SIPA1L3: variants seen among roughly 807,000 people sequenced by gnomAD.
SIPA1L3 encodes signal-induced proliferation-associated 1-like protein 3.
In SIPA1L3, 59 loss-of-function variants were observed where a neutral mutation model predicts 150.1. The observed-to-expected ratio is 0.39, with a 90% confidence interval of 0.32 to 0.49. The LOEUF (loss-of-function observed/expected upper bound fraction) is 0.49. SIPA1L3 is among the 20% of genes least tolerant of loss of function. The pLI is 0.86. For missense variants in SIPA1L3, 2,211 were observed against 2,489.5 expected (o/e 0.89, Z 2.38); for synonymous variants, 1,070 against 1,077.6 (o/e 0.99, Z 0.14).
At position 38,206,484 on chromosome 19, in the gene SIPA1L3, G is replaced by A. The variant is rs1000351337; in HGVS notation, c.*244G>A. The A allele has an allele frequency of 4.2e-6, 2 of 478,196 alleles. No homozygotes were observed. The highest frequency in any genetic ancestry group is 3.7e-6 in the Non-Finnish European group (1 of 271,768). 29.6% of individuals were successfully genotyped at this position (478,196 alleles called of 1,614,324 possible). A position where few individuals can be genotyped will look rare whatever the true frequency, so the allele number is the denominator to read the frequency against. ...TCCAAGCTGCCCAGCTGTGGTCCCGGTGAGCTGGGCTGTGCTTACACCGCT... is the reference window on the plus strand; with the variant it reads ...TCCAAGCTGCCCAGCTGTGGTCCCGATGAGCTGGGCTGTGCTTACACCGCT... On this transcript the variant is annotated 3_prime_UTR_variant, in exon 22 of 22. Transcript: ENST00000222345.
At position 38,141,333 on chromosome 19, in the gene SIPA1L3, G is replaced by C. The variant is rs773394903; in HGVS notation, c.3293G>C (p.Trp1098Ser). 6.2e-7 allele frequency: 1 copy of C among 1,613,814 alleles called. No homozygotes were observed. ...ASHNSLPASK[W>S]ATPTTPGHAQ... ...CATAACTCTCTACCAGCCTCCAAGT[G>C]GGCCACTCCAACCACTCCCGGCCAT... Residue 1098 changes from tryptophan (W) to serine (S), a missense_variant, in exon 11 of 22, where the codon TGG becomes TCG. Trp to Ser is a radical substitution (Grantham distance 177). Around this residue, in one of 5 missense-constraint regions of SIPA1L3, gnomAD observed 806 missense variants for 870.1 expected, o/e 0.93. Coordinates refer to ENST00000222345, the MANE Select transcript of SIPA1L3 (RefSeq NM_015073.3).
chr19:37,958,148 A>C (rs1328897600), intron 1 of SIPA1L3, among the ~76,000 whole-genome samples: 1 of 152,202 alleles, frequency 6.6e-6, no homozygotes, highest in African/African-American at 2.4e-5. Flanking sequence ...AAATACTACA[A>C]ATAGGCTGGG....
At chr19:38,161,482 T>A (rs1972086931) in intron 13 of SIPA1L3, among the ~76,000 whole-genome samples, 1 of 151,930 alleles carries the variant, frequency 6.6e-6, no homozygotes, top group Non-Finnish European at 1.5e-5. Flanking sequence ...CCCAGCACTT[T>A]GGGAGGCCGA....
At position 38,114,876 on chromosome 19, in the gene SIPA1L3, C is replaced by A. The variant is rs116495250; in HGVS notation, c.2292-4430C>A. Among the ~76,000 whole-genome samples, 588 of 152,342 alleles carry A rather than the reference C, an allele frequency of 3.9e-3. 5 individuals carry two copies. The highest frequency in any genetic ancestry group is 0.014 in the African/African-American group (565 of 41,580). On this transcript the variant is annotated intron_variant, in intron 8 of 21. Coordinates refer to ENST00000222345, the MANE Select transcript of SIPA1L3 (RefSeq NM_015073.3). ...CCGGGGTCGCGCAGTAGCTCCCACA[C>A]TGGTCTCCTGCATGTGCCCTGTCCT...
At chr19:37,972,619 C>G (rs985975256) in intron 1 of SIPA1L3, among the ~76,000 whole-genome samples, 4 of 151,990 alleles carry the variant, frequency 2.6e-5, no homozygotes, top group Non-Finnish European at 4.4e-5. Flanking sequence ...TGAGAGGATC[C>G]CTTGAGCCCA....
rs555616559 is a variant in SIPA1L3, at chr19:38,192,406, C to T, written c.4596+96C>T. ...AGAAGGGCTGTGCTCCCCACGGTCA[C>T]GCCAGCTCCTTCCCGTCGTGTCCCC... On this transcript the variant is annotated intron_variant, in intron 17 of 21. Coordinates refer to ENST00000222345, the MANE Select transcript of SIPA1L3 (RefSeq NM_015073.3). 27 of 1,171,736 alleles carry T rather than the reference C, an allele frequency of 2.3e-5. No individual in the cohort carries two copies. In the African/African-American group the frequency reaches 2.5e-4, roughly 11 times the overall value. 72.6% of individuals were successfully genotyped at this position (1,171,736 alleles called of 1,614,324 possible).
intron 1 of SIPA1L3, among the ~76,000 whole-genome samples, chr19:38,001,633 C>T (rs1478050901): frequency 4.6e-5 from 7 of 152,172 alleles, no homozygotes; most frequent in Non-Finnish European, 8.8e-5. Flanking sequence ...TGCTATGTTG[C>T]CCAGGCTGGT....
chr19:37,916,989 G>A (rs1026000500), intron 1 of SIPA1L3, among the ~76,000 whole-genome samples: 1 of 151,764 alleles, frequency 6.6e-6, no homozygotes, highest in Non-Finnish European at 1.5e-5. Flanking sequence ...CACTGATGAG[G>A]CTCATATAGG....
chr19:38,182,941 C>T, intron 16 of SIPA1L3: 1 of 546,164 alleles, frequency 1.8e-6, no homozygotes. Context: ...GGGTGACCAA[C>T]AATAAGTAGA....
At chr19:38,111,353 A>C (rs1354797341) in intron 8 of SIPA1L3, among the ~76,000 whole-genome samples, 6 of 152,138 alleles carry the variant, frequency 3.9e-5, no homozygotes, top group Admixed American at 2.0e-4. Context: ...GTACCTGTAC[A>C]TGAAGTGCTT....
intron 1 of SIPA1L3, among the ~76,000 whole-genome samples, chr19:37,921,214 C>T (rs2046454528): frequency 6.6e-6 from 1 of 152,252 alleles, no homozygotes; most frequent in South Asian, 2.1e-4. Context: ...CTAGCAGCTA[C>T]AACGCCTTTA....
rs558705780 is a variant in SIPA1L3, at chr19:37,984,612, G to A, written c.-378-44477G>A. 2.6e-5 allele frequency among the ~76,000 whole-genome samples: 4 copies of A among 152,324 alleles called. No individual in the cohort carries two copies. The East Asian group carries it at 5.8e-4, about 22-fold the overall frequency. On this transcript the variant is annotated intron_variant, in intron 1 of 21. Coordinates refer to ENST00000222345, the MANE Select transcript of SIPA1L3 (RefSeq NM_015073.3). ...ATTCATTTCTGCAAAGTGAGGAAAA[G>A]AACTAGTTACTATGTGACCAGCTTA...
At chr19:38,037,956 A>G (rs1968828174) in intron 2 of SIPA1L3, among the ~76,000 whole-genome samples, 1 of 152,062 alleles carries the variant, frequency 6.6e-6, no homozygotes, top group Non-Finnish European at 1.5e-5. Flanking sequence ...GGCACCTTCC[A>G]TGGTCAGAGG....
intron 1 of SIPA1L3, among the ~76,000 whole-genome samples, chr19:38,000,969 T>G (rs1303335652): frequency 2.4e-5 from 3 of 124,380 alleles, no homozygotes; most frequent in Non-Finnish European, 5.0e-5. Flanking sequence ...AACACATATA[T>G]AACATATATA....
chr19:38,048,975 G>A (rs1380492877), intron 2 of SIPA1L3, among the ~76,000 whole-genome samples: 2 of 152,038 alleles, frequency 1.3e-5, no homozygotes, highest in Non-Finnish European at 2.9e-5. Context: ...CCCAGCTATC[G>A]TGAGGCTGAG....
At chr19:37,994,809 G>A (rs932186115) in intron 1 of SIPA1L3, among the ~76,000 whole-genome samples, 6 of 152,178 alleles carry the variant, frequency 3.9e-5, no homozygotes, top group African/African-American at 1.4e-4. Flanking sequence ...GACACACTGG[G>A]CTGCAGGTAA....
chr19:38,000,942 ACATATAACACACATATAACAC>A (rs1967784610), intron 1 of SIPA1L3, among the ~76,000 whole-genome samples: 1 of 110,670 alleles, frequency 9.0e-6, no homozygotes, highest in Admixed American at 8.9e-5. Context: ...AACATATATA[ACATATAACACACATATAACAC>A]ATATATAACA....
At chr19:38,121,416 T>C (rs1395788731) in intron 9 of SIPA1L3, among the ~76,000 whole-genome samples, 1 of 151,418 alleles carries the variant, frequency 6.6e-6, no homozygotes, top group Admixed American at 6.6e-5. Flanking sequence ...CCAGCCTGGG[T>C]GACAGTGCTA....
intron 15 of SIPA1L3, among the ~76,000 whole-genome samples, chr19:38,177,598 A>G (rs898805369): frequency 2.0e-5 from 3 of 152,136 alleles, no homozygotes; most frequent in Non-Finnish European, 4.4e-5. Context: ...ATCTATCTAT[A>G]TATTTTTTCC....
Sources: allele counts gnomAD v4.1 joint callset (sites outside exome capture counted in the v4.1 genomes callset), GRCh38; gene constraint gnomAD v4.1.1; regional missense constraint gnomAD v4.1.1; transcripts MANE v1.5; gene names NCBI Gene and HGNC (gene_info 2026-07-23, HGNC 2026-07-21).